TEX10: variants seen among roughly 807,000 people sequenced by gnomAD.
The protein encoded by TEX10 is testis expressed 10.
In TEX10, 24 loss-of-function variants were observed where a neutral mutation model predicts 104.4. The observed-to-expected ratio is 0.23, with a 90% confidence interval of 0.17 to 0.32. The LOEUF (loss-of-function observed/expected upper bound fraction) is 0.32, where lower values mean the gene tolerates loss of function less well. Ranked by LOEUF, TEX10 falls within the 10% of genes least tolerant of loss-of-function variation. TEX10 has a pLI of 1.00. For missense variants in TEX10, 921 were observed against 1,083.9 expected, an observed-to-expected ratio of 0.85 and a Z score of 2.11; for synonymous variants, 396 against 393.4, an observed-to-expected ratio of 1.01 and a Z score of -0.08.
chr9:100,327,832 T>C lies in TEX10; in HGVS notation c.1756A>G (p.Lys586Glu), dbSNP rs1296482632. Residue 586 changes from lysine (K) to glutamate (E), a missense_variant, in exon 8 of 15, where the codon AAA becomes GAA. Around this residue, in one of 3 missense-constraint regions of TEX10, gnomAD observed 753 missense variants for 868.4 expected, o/e 0.87. Transcript: ENST00000374902. ...GCTTGTAAACTTTTTAGTAATTCTTTATTTGCTCGTGCTGCAGCGGTATGA... is the reference window on the plus strand; with the variant it reads ...GCTTGTAAACTTTTTAGTAATTCTTCATTTGCTCGTGCTGCAGCGGTATGA... ...IIHTAAARAN[K>E]ELLKSLQATA... 3 of 1,598,302 alleles carry C rather than the reference T, an allele frequency of 1.9e-6. No homozygotes were observed. The highest frequency in any genetic ancestry group is 2.2e-5 in the East Asian group (1 of 44,722).
chr9:100,330,205 C>T lies in TEX10; in HGVS notation c.1251-36G>A, dbSNP rs369632612. 2.5e-5 allele frequency: 35 copies of T among 1,399,700 alleles called. No individual in the cohort carries two copies. In the South Asian group the frequency reaches 3.0e-4, roughly 12 times the overall value. The allele number at this position is 1,399,700 out of a possible 1,614,324, so 86.7% of individuals were successfully genotyped here. ...AGACACACACATCTATAAAGCATTA[C>T]GTCTACCATGCCTGCTTCATTAGAA... On this transcript the variant is annotated intron_variant, in intron 5 of 14. Transcript: ENST00000374902.
At chr9:100,310,484 G>A (rs2118835870) in intron 11 of TEX10, 105 bp from the exon 12 acceptor site, 1 of 1,065,800 alleles carries the variant, frequency 9.4e-7, no homozygotes, top group Non-Finnish European at 1.4e-6. Flanking sequence ...TGTCGCCCAG[G>A]CTGGAGTGCA....
chr9:100,333,211 G>A (rs769737461), intron 5 of TEX10, among the ~76,000 whole-genome samples: 1 of 151,834 alleles, frequency 6.6e-6, no homozygotes, highest in Non-Finnish European at 1.5e-5. Flanking sequence ...TGATCCACCC[G>A]CCTCGGCCTC....
chr9:100,342,884 A>G (rs973446519), intron 4 of TEX10, among the ~76,000 whole-genome samples: 2 of 152,174 alleles, frequency 1.3e-5, no homozygotes, highest in Non-Finnish European at 2.9e-5. Context: ...GCGTTGGCTC[A>G]TGCCTGTAAT....
At chr9:100,340,499 T>C (rs1386086882) in intron 4 of TEX10, 130 bp from the exon 5 acceptor site, 11 of 517,716 alleles carry the variant, frequency 2.1e-5, no homozygotes, top group Non-Finnish European at 3.6e-5. Flanking sequence ...TAATATAATA[T>C]GTAAATAAAT....
chr9:100,339,961 C>G (rs1835133206), intron 5 of TEX10, among the ~76,000 whole-genome samples: 1 of 152,058 alleles, frequency 6.6e-6, no homozygotes, highest in Admixed American at 6.6e-5. Flanking sequence ...CACACAGTGC[C>G]TCACCCAAAT....
Position 100,329,911 on chromosome 9 carries a change from G to T in TEX10, c.1489+20C>A. On this transcript the variant is annotated intron_variant, in intron 6 of 14. Transcript: ENST00000374902. The stretch of plus-strand genomic sequence containing the variant: ...TGTAAGAGCTCCACTCTTAAATAAG[G>T]GCAAAGTAGCATCACCTACCTCTGT... 6.3e-7 allele frequency: 1 copy of T among 1,584,566 alleles called. No homozygotes were observed.
intron 11 of TEX10, among the ~76,000 whole-genome samples, chr9:100,315,779 C>T (rs776404929): frequency 3.3e-5 from 5 of 152,192 alleles, no homozygotes; most frequent in South Asian, 4.1e-4. Context: ...GTTAGTCTGA[C>T]GGGATTTTCT....
chr9:100,304,230 C>A, intron 13 of TEX10: 1 of 219,954 alleles, frequency 4.5e-6, no homozygotes, highest in Admixed American at 5.2e-5. Context: ...TCATTCTTCA[C>A]ACAATTAAAA....
At chr9:100,327,466 T>A (rs943750982) in intron 8 of TEX10, among the ~76,000 whole-genome samples, 3 of 151,580 alleles carry the variant, frequency 2.0e-5, no homozygotes, top group Non-Finnish European at 4.4e-5. Flanking sequence ...TCACTATGAT[T>A]AAATAAGTAA....
chr9:100,321,018 A>G lies in TEX10; in HGVS notation c.2069-620T>C, dbSNP rs1007149245. On this transcript the variant is annotated intron_variant, in intron 10 of 14. Coordinates refer to ENST00000374902, the MANE Select transcript of TEX10 (RefSeq NM_017746.4). ...TATCTACCTTGATGTTCAAATCACT[A>G]TACTTCTGTAAGCACTACCTAAAGA... Among the ~76,000 whole-genome samples the G allele has an allele frequency of 5.9e-5, 9 of 152,304 alleles. No individual in the cohort carries two copies. The Middle Eastern group carries it at 0.017, about 288-fold the overall frequency.
At chr9:100,347,846 G>A (rs1411791051) in intron 2 of TEX10, among the ~76,000 whole-genome samples, 2 of 151,798 alleles carry the variant, frequency 1.3e-5, no homozygotes, top group Non-Finnish European at 2.9e-5. Flanking sequence ...AATAATTTAT[G>A]TAACCTTTGG....
At chr9:100,339,245 C>CAAAAAAAAAAA (rs1182764934) in intron 5 of TEX10, among the ~76,000 whole-genome samples, 2 of 29,412 alleles carry the variant, frequency 6.8e-5, no homozygotes, top group African/African-American at 2.5e-4. Flanking sequence ...GACTCCATCT[C>CAAAAAAAAAAA]AAAAAAAAAA....
intron 10 of TEX10, 131 bp downstream of exon 10, chr9:100,321,552 A>C: frequency 1.4e-6 from 1 of 690,266 alleles, no homozygotes; most frequent in Non-Finnish European, 2.4e-6. Context: ...CTAATCACAA[A>C]AATCACTCCA....
Position 100,303,736 on chromosome 9 carries a change from G to T in TEX10, c.2572C>A (p.Pro858Thr). Residue 858 changes from proline (P) to threonine (T), a missense_variant, in exon 14 of 15, where the codon CCT becomes ACT. Transcript: ENST00000374902. ...AGTCGAAGCAGCTGGCCCACAACAG[G>T]CAGCTCCTCAGGCCCAACTCTGTTC... ...RVNRVGPEEL[P>T]VVGQLLRLLL... is the part of the protein sequence containing the mutation. The T allele has an allele frequency of 6.2e-7, 1 of 1,614,052 alleles. No individual in the cohort carries two copies. Among genetic ancestry groups the T allele is most frequent in the Non-Finnish European group, 8.5e-7 (1 of 1,180,030 alleles).
At chr9:100,311,992 C>A (rs1809527833) in intron 11 of TEX10, among the ~76,000 whole-genome samples, 1 of 152,026 alleles carries the variant, frequency 6.6e-6, no homozygotes, top group East Asian at 1.9e-4. Context: ...GGGGGGGAAT[C>A]AACAGATCTA....
rs748072227 is a variant in TEX10, at chr9:100,349,254, G to A, written c.110C>T (p.Thr37Ile). ...NATPTNFKTK[T>I]IHLPEQLKED... is the part of the protein sequence containing the mutation. ...TTTGAGTTGCTCAGGCAGATGTATA[G>A]TCTTTGTTTTAAAGTTTGTAGGAGT... The change falls in exon 2 of 15, where the codon ACT becomes ATT. Residue 37 changes from threonine (T) to isoleucine (I), a missense_variant. By Grantham distance (89) the Thr-to-Ile change is moderately conservative. This residue lies in a region of TEX10 where 118 missense variants were observed against 111.3 expected (regional missense o/e 1.06). Transcript: ENST00000374902. 5 of 1,606,384 alleles carry A rather than the reference G, an allele frequency of 3.1e-6. 1 individual carries two copies. In the South Asian group the frequency reaches 4.5e-5, roughly 15 times the overall value.
intron 11 of TEX10, among the ~76,000 whole-genome samples, chr9:100,311,108 G>A (rs1834269657): frequency 6.6e-6 from 1 of 151,904 alleles, no homozygotes; most frequent in Non-Finnish European, 1.5e-5. Flanking sequence ...ATTAAGAAAC[G>A]TTTTTCAGCC....
chr9:100,328,613 T>C (rs1352332126), intron 7 of TEX10, among the ~76,000 whole-genome samples: 9 of 152,220 alleles, frequency 5.9e-5, no homozygotes, highest in African/African-American at 2.2e-4. Flanking sequence ...TTACAACAAC[T>C]ACCTATATAT....
Sources: gnomAD v4.1 joint callset for allele counts (sites outside exome capture counted in the v4.1 genomes callset) on GRCh38, gnomAD v4.1.1 for gene constraint, gnomAD v4.1.1 regional missense constraint, MANE v1.5 for transcripts, NCBI Gene and HGNC (gene_info 2026-07-23, HGNC 2026-07-21) for gene names.